RYR2: variants seen among roughly 807,000 people sequenced by gnomAD.
RYR2 encodes ryanodine receptor 2.
A neutral mutation model predicts 601.1 loss-of-function variants in RYR2; 227 were observed. The observed-to-expected ratio is 0.38, with a 90% CI of 0.34 to 0.42. The LOEUF is 0.42. Among genes scored for constraint, RYR2 ranks in the 10% least tolerant of loss-of-function variants. The probability of loss-of-function intolerance (pLI) is 1.00; values close to 1 mark genes in which losing one functional copy is unlikely to be tolerated. For missense variants in RYR2, 4,646 were observed against 6,156.5 expected (o/e 0.75, Z 8.21); for synonymous variants, 2,223 against 2,175.1 (o/e 1.02, Z -0.61).
In RYR2 at chr1:237,180,711, CATATATACAT is replaced by C. The variant is rs2148950788; in HGVS notation, c.49-89782_49-89773del. Among the ~76,000 whole-genome samples, 1 of 145,178 alleles carries C rather than the reference CATATATACAT, an allele frequency of 6.9e-6. No homozygotes were observed. The highest frequency in any genetic ancestry group is 2.0e-4 in the East Asian group (1 of 5,048). ...ATATGTATATATAAGTATATATACA[CATATATACAT>C]ATACATAGATATATGCTATTATATA... On this transcript the variant is annotated intron_variant, in intron 1 of 104. Coordinates refer to ENST00000366574, the MANE Select transcript of RYR2 (RefSeq NM_001035.3). This position sits in a 1 kb window ranked among gnomAD's most constrained non-coding sequence, Gnocchi z 5.3.
At chr1:237,163,035 T>G (rs1486916399) in intron 1 of RYR2, among the ~76,000 whole-genome samples, 1 of 152,224 alleles carries the variant, frequency 6.6e-6, no homozygotes, top group Non-Finnish European at 1.5e-5. Context: ...TATTATGTAC[T>G]CTTTATGGAC....
At chr1:237,498,033 T>A (rs947399211) in intron 20 of RYR2, among the ~76,000 whole-genome samples, 1 of 151,998 alleles carries the variant, frequency 6.6e-6, no homozygotes, top group Non-Finnish European at 1.5e-5. Context: ...CGGCTAATTT[T>A]TATATATATT....
intron 2 of RYR2, among the ~76,000 whole-genome samples, chr1:237,322,363 C>T (rs573386810): frequency 1.1e-4 from 16 of 152,160 alleles, no homozygotes; most frequent in Non-Finnish European, 2.9e-5. Flanking sequence ...CTAGACAAGT[C>T]GGAATCTGTT....
chr1:237,691,945 C>G (rs1463454600), intron 63 of RYR2, among the ~76,000 whole-genome samples: 1 of 152,210 alleles, frequency 6.6e-6, no homozygotes, highest in African/African-American at 2.4e-5. Context: ...CTTTGATTCC[C>G]AGAGTTACCC....
chr1:237,411,909 G>A (rs915131980), intron 10 of RYR2, among the ~76,000 whole-genome samples: 7 of 152,076 alleles, frequency 4.6e-5, no homozygotes, highest in African/African-American at 1.7e-4. Context: ...TGGAGGTGTC[G>A]CTTACAATGT....
At chr1:237,667,248 T>C (rs1684407500) in intron 57 of RYR2, among the ~76,000 whole-genome samples, 1 of 152,240 alleles carries the variant, frequency 6.6e-6, no homozygotes, top group Non-Finnish European at 1.5e-5. Flanking sequence ...GCATTGTTGG[T>C]AACTGTATTG....
intron 3 of RYR2, among the ~76,000 whole-genome samples, chr1:237,339,330 A>T (rs1697535920): frequency 6.6e-6 from 1 of 152,180 alleles, no homozygotes; most frequent in Non-Finnish European, 1.5e-5. Flanking sequence ...TTGTTTATTT[A>T]GTTATTTTTA....
At chr1:237,809,435 G>A (rs1379495702) in intron 100 of RYR2, among the ~76,000 whole-genome samples, 1 of 152,114 alleles carries the variant, frequency 6.6e-6, no homozygotes, top group Non-Finnish European at 1.5e-5. Flanking sequence ...TCTCTTCCTA[G>A]AACTACTGGT....
rs550007135 is a variant in RYR2, at chr1:237,614,993, C to A, written c.5715+150C>A. 7.3e-6 allele frequency: 6 copies of A among 822,910 alleles called. No homozygotes were observed. Among genetic ancestry groups the A allele is most frequent in the Non-Finnish European group, 1.1e-5 (6 of 544,930 alleles). The allele number at this position is 822,910 out of a possible 1,614,324, so 51.0% of individuals were successfully genotyped here. A position where few individuals can be genotyped will look rare whatever the true frequency, so the allele number is the denominator to read the frequency against. ...TCATAAAATTAACTAACTTCCTATT[C>A]TTTTCCCTCTTATTCATTAGCCATC... On this transcript the variant is annotated intron_variant, in intron 37 of 104. Coordinates refer to ENST00000366574, the MANE Select transcript of RYR2 (RefSeq NM_001035.3). This position sits in a 1 kb window ranked among gnomAD's most constrained non-coding sequence, Gnocchi z 4.3.
intron 28 of RYR2, among the ~76,000 whole-genome samples, chr1:237,567,522 C>T (rs901634712): frequency 3.3e-5 from 5 of 151,284 alleles, no homozygotes; most frequent in African/African-American, 1.2e-4. Flanking sequence ...CTCGGGAGGT[C>T]GAGGCTGCAA....
At chr1:237,098,764 C>A (rs141849494) in intron 1 of RYR2, among the ~76,000 whole-genome samples, 2 of 152,090 alleles carry the variant, frequency 1.3e-5, no homozygotes, top group Non-Finnish European at 1.5e-5. Context: ...TTTCCAGGAA[C>A]GTGGTGGAAA....
At chr1:237,578,077 T>A (rs914690444) in intron 29 of RYR2, among the ~76,000 whole-genome samples, 1 of 152,150 alleles carries the variant, frequency 6.6e-6, no homozygotes, top group African/African-American at 2.4e-5. Flanking sequence ...CCCAAAGTGC[T>A]GGGATTACAG....
At chr1:237,709,416 T>G (rs1159714931) in intron 69 of RYR2, 64 bp from the exon 70 acceptor site, 2 of 444,142 alleles carry the variant, frequency 4.5e-6, no homozygotes, top group South Asian at 3.5e-5. Context: ...GGGGGATGGT[T>G]TTTTTTTTTT....
intron 24 of RYR2, among the ~76,000 whole-genome samples, chr1:237,525,953 C>G (rs913039217): frequency 6.7e-6 from 1 of 148,330 alleles, no homozygotes; most frequent in East Asian, 2.0e-4. Flanking sequence ...GCACTCCAGC[C>G]TGGGTGACAA....
At chr1:237,157,492 C>T (rs1675530047) in intron 1 of RYR2, among the ~76,000 whole-genome samples, 1 of 152,012 alleles carries the variant, frequency 6.6e-6, no homozygotes, top group Non-Finnish European at 1.5e-5. Flanking sequence ...TCTAAGTGTC[C>T]ATCAATGGAT....
At chr1:237,419,930 A>C (rs1380580186) in intron 11 of RYR2, among the ~76,000 whole-genome samples, 1 of 152,140 alleles carries the variant, frequency 6.6e-6, no homozygotes, top group Admixed American at 6.6e-5. Context: ...TATATTTAGC[A>C]ATTTATAGTG....
chr1:237,339,877 G>C (rs1054800750), intron 3 of RYR2, among the ~76,000 whole-genome samples: 1 of 152,152 alleles, frequency 6.6e-6, no homozygotes, highest in Admixed American at 6.5e-5. Context: ...GAATTCCCTG[G>C]CAGAATTTCC....
chr1:237,602,774 C>A (rs1186835748), intron 35 of RYR2, among the ~76,000 whole-genome samples: 1 of 152,110 alleles, frequency 6.6e-6, no homozygotes, highest in Non-Finnish European at 1.5e-5. Context: ...AGGTTAGCAT[C>A]TATTACATAG....
At chr1:237,633,388 C>T (rs1680546906) in intron 42 of RYR2, among the ~76,000 whole-genome samples, 190 bp from the exon 43 acceptor site, 1 of 152,142 alleles carries the variant, frequency 6.6e-6, no homozygotes, top group South Asian at 2.1e-4. Flanking sequence ...TGAATTAGTG[C>T]CAGGCTTGAT....
Sources: gnomAD v4.1 joint callset for allele counts (sites outside exome capture counted in the v4.1 genomes callset) on GRCh38, gnomAD v4.1.1 for gene constraint, Gnocchi (gnomAD v3.1) non-coding constraint, MANE v1.5 for transcripts, NCBI Gene and HGNC (gene_info 2026-07-23, HGNC 2026-07-21) for gene names.